Variants in EHMT1 observed in about 807,000 individuals in gnomAD.
The protein encoded by EHMT1 is histone-lysine N-methyltransferase EHMT1.
Under a neutral mutation model 147.2 loss-of-function variants are expected in EHMT1, and 15 were observed. That is an observed-to-expected ratio of 0.10 (90% CI 0.07 to 0.16). The LOEUF is 0.16. Among genes scored for constraint, EHMT1 ranks in the 10% least tolerant of loss-of-function variants. The pLI, the probability that EHMT1 is intolerant of heterozygous loss-of-function variation, is 1.00. For synonymous variants in EHMT1, 795 were observed against 709.6 expected (o/e 1.12, Z -1.91); for missense variants, 1,587 against 1,772.4 (o/e 0.90, Z 1.88).
intron 3 of EHMT1, among the ~76,000 whole-genome samples, chr9:137,721,583 CACGCCTCTCACCGTCACCCTCTCCT>C (rs1394854466): frequency 6.2e-5 from 9 of 145,122 alleles, no homozygotes; most frequent in Non-Finnish European, 1.1e-4. Context: ...CTCCCTCTCC[CACGCCTCTCACCGTCACCCTCTCCT>C]ACATCTCTCA....
intron 23 of EHMT1, chr9:137,816,383 G>C (rs554803822): frequency 2.5e-6 from 1 of 406,086 alleles, no homozygotes. Flanking sequence ...TTCTTCAACA[G>C]GTTAGGGCTG....
chr9:137,790,944 A>G lies in EHMT1; in HGVS notation c.2479A>G (p.Lys827Glu). ...TCTGGAAGCAGTGAAGTACCTCATC[A>G]AGGCTGGGGCCCTGGTGGATCCCAA... ...NHLEAVKYLI[K>E]AGALVDPKDA... The change falls in exon 16 of 27, where the codon AAG becomes GAG. Residue 827 changes from lysine to glutamate, a missense_variant. Around this residue, in one of 7 missense-constraint regions of EHMT1, gnomAD observed 201 missense variants for 350.1 expected, o/e 0.57. Transcript: ENST00000460843. 1 of 1,614,180 alleles carries G rather than the reference A, an allele frequency of 6.2e-7. No homozygotes were observed. The highest frequency in any genetic ancestry group is 8.5e-7 in the Non-Finnish European group (1 of 1,180,048).
At chr9:137,807,843 G>A (rs1279402966) in intron 18 of EHMT1, among the ~76,000 whole-genome samples, 2 of 152,154 alleles carry the variant, frequency 1.3e-5, no homozygotes, top group African/African-American at 2.4e-5. Context: ...TGCTAATCCA[G>A]CATCTGTGTC....
chr9:137,833,281 C>T (rs1381180698), intron 25 of EHMT1, among the ~76,000 whole-genome samples: 1 of 152,242 alleles, frequency 6.6e-6, no homozygotes, highest in Non-Finnish European at 1.5e-5. Context: ...CCCCGTCTGC[C>T]TGGCTGTCGT....
At chr9:137,800,244 T>C (rs550770747) in intron 17 of EHMT1, 1 of 152,862 alleles carries the variant, frequency 6.5e-6, no homozygotes, top group Admixed American at 6.5e-5. Flanking sequence ...TTAAAGAAAA[T>C]TGCCCGGGCC....
intron 4 of EHMT1, among the ~76,000 whole-genome samples, chr9:137,741,810 G>GT (rs1948108625): frequency 6.6e-6 from 1 of 152,170 alleles, no homozygotes; most frequent in Admixed American, 6.5e-5. Flanking sequence ...AATTCTGCTT[G>GT]TAAGTGGACC....
chr9:137,768,194 G>A (rs1950335071), intron 10 of EHMT1, among the ~76,000 whole-genome samples: 1 of 152,090 alleles, frequency 6.6e-6, no homozygotes, highest in Non-Finnish European at 1.5e-5. Flanking sequence ...GTTGTTACGT[G>A]AGACATGACT....
At chr9:137,652,909 G>A (rs750204168) in intron 1 of EHMT1, among the ~76,000 whole-genome samples, 11 of 151,332 alleles carry the variant, frequency 7.3e-5, no homozygotes, top group Non-Finnish European at 1.2e-4. Context: ...TGTATTTTTA[G>A]TAGAGACAAG....
chr9:137,687,955 A>G (rs1480011278), intron 1 of EHMT1, among the ~76,000 whole-genome samples: 1 of 152,168 alleles, frequency 6.6e-6, no homozygotes, highest in Admixed American at 6.5e-5. Context: ...ATTTCTTTCA[A>G]CTATGTTTTG....
chr9:137,643,052 A>T (rs937494971), intron 1 of EHMT1, among the ~76,000 whole-genome samples: 19 of 150,860 alleles, frequency 1.3e-4, no homozygotes, highest in Admixed American at 1.2e-3. Context: ...GCTGATTTTT[A>T]ATTTTTTTTT....
chr9:137,701,625 ATTT>A (rs139537570), intron 1 of EHMT1, among the ~76,000 whole-genome samples: 1 of 115,638 alleles, frequency 8.6e-6, no homozygotes, highest in Non-Finnish European at 1.8e-5. Context: ...TGCCTGGCTA[ATTT>A]TTTTTTTTTT....
chr9:137,630,982 G>A (rs72765189), intron 1 of EHMT1, among the ~76,000 whole-genome samples: 14,068 of 152,196 alleles, frequency 0.092, 700 homozygotes, highest in Middle Eastern at 0.22. Flanking sequence ...TGTGGAGAGC[G>A]GAAGTAGGGG....
At chr9:137,683,679 ACCTTT>A in intron 1 of EHMT1, among the ~76,000 whole-genome samples, 1 of 152,350 alleles carries the variant, frequency 6.6e-6, no homozygotes, top group Admixed American at 6.5e-5. Flanking sequence ...TGTAAATTAT[ACCTTT>A]ATCAGCGTAT....
In EHMT1 at chr9:137,732,893, T is replaced by C. The variant is rs2135869530; in HGVS notation, c.823+4364T>C. Among the ~76,000 whole-genome samples, 1 of 152,356 alleles carries C rather than the reference T, an allele frequency of 6.6e-6. No individual in the cohort carries two copies. The highest frequency in any genetic ancestry group is 1.9e-4 in the East Asian group (1 of 5,192). ...TTCTTGTCACGTCTTTCTGTTAATT[T>C]TTAATTACTGTGGCGATGATCACAG... On this transcript the variant is annotated intron_variant, in intron 4 of 26. Transcript: ENST00000460843. The surrounding 1 kb of genome is among the most constrained non-coding windows in gnomAD (Gnocchi z 4.6).
intron 1 of EHMT1, among the ~76,000 whole-genome samples, chr9:137,655,769 G>A (rs1039070812): frequency 9.9e-5 from 15 of 152,134 alleles, no homozygotes; most frequent in African/African-American, 3.1e-4. Flanking sequence ...TCTGGGTCGC[G>A]TGCTCCTTAT....
At chr9:137,665,594 G>T (rs1367401792) in intron 1 of EHMT1, among the ~76,000 whole-genome samples, 1 of 152,150 alleles carries the variant, frequency 6.6e-6, no homozygotes, top group Non-Finnish European at 1.5e-5. Context: ...CTTGTGAGAG[G>T]GCTGGTCCCC....
rs182876092 is a variant in EHMT1, at chr9:137,791,608, A to G, written c.2505+638A>G. On this transcript the variant is annotated intron_variant, in intron 16 of 26. Coordinates refer to ENST00000460843, the MANE Select transcript of EHMT1 (RefSeq NM_024757.5). ...AAACTAACAAACATTGCTGAAGGAA[A>G]TTAAAGAAGACCTGAATAAATAGAA... 1.1e-3 allele frequency among the ~76,000 whole-genome samples: 161 copies of G among 152,366 alleles called. 2 individuals are homozygous for G. Among genetic ancestry groups the G allele is most frequent in the Non-Finnish European group, 8.8e-4 (60 of 68,030 alleles).
chr9:137,720,977 G>A (rs184974572), intron 3 of EHMT1, among the ~76,000 whole-genome samples: 3 of 152,170 alleles, frequency 2.0e-5, no homozygotes, highest in African/African-American at 7.2e-5. Context: ...GCCCACCGGC[G>A]ATGTTGCAGT....
At chr9:137,825,862 G>GA (rs1348243263) in intron 25 of EHMT1, among the ~76,000 whole-genome samples, 2 of 152,240 alleles carry the variant, frequency 1.3e-5, no homozygotes, top group East Asian at 3.9e-4. Flanking sequence ...TGTCAGGGAG[G>GA]AGGCGTGGCC....
Sources: gnomAD v4.1 joint callset for allele counts (sites outside exome capture counted in the v4.1 genomes callset) on GRCh38, gnomAD v4.1.1 for gene constraint, gnomAD v4.1.1 regional missense constraint, Gnocchi (gnomAD v3.1) non-coding constraint, MANE v1.5 for transcripts, NCBI Gene and HGNC (gene_info 2026-07-23, HGNC 2026-07-21) for gene names.